MCFD2: variants seen among roughly 807,000 people sequenced by gnomAD.
MCFD2 encodes multiple coagulation factor deficiency protein 2.
Under a neutral mutation model 12.8 loss-of-function variants are expected in MCFD2, and 11 were observed. That is an observed-to-expected ratio of 0.86 (90% CI 0.54 to 1.42). MCFD2 has a LOEUF of 1.42. Ranked by LOEUF, MCFD2 falls within the 40% of genes most tolerant of loss-of-function variation. MCFD2 has a pLI of 0.00. For missense variants in MCFD2, 191 were observed against 178.6 expected (o/e 1.07, Z -0.40); for synonymous variants, 70 against 68.1 (o/e 1.03, Z -0.14).
rs998042740 is a variant in MCFD2, at chr2:46,941,238, AGCG to A, written c.-8+331_-8+333del. ...GGGCGGAGGCTGTGGCAGCAGCTGCAGCGGCGGCGGCGGCGGCAGCGCCAGGAG... is the reference window on the plus strand; with the variant it reads ...GGGCGGAGGCTGTGGCAGCAGCTGCAGCGGCGGCGGCGGCAGCGCCAGGAG... On this transcript the variant is annotated intron_variant, in intron 1 of 2. Transcript: ENST00000409147. This position sits in a 1 kb window ranked among gnomAD's most constrained non-coding sequence, Gnocchi z 4.2. 1.8e-4 allele frequency: 27 copies of A among 147,576 alleles called. No homozygotes were observed. The highest frequency in any genetic ancestry group is 4.0e-4 in the East Asian group (2 of 4,980). 9.1% of individuals were successfully genotyped at this position (147,576 alleles called of 1,614,324 possible).
Position 46,915,718 on chromosome 2 carries a change from C to G in MCFD2, c.-7+5G>C, listed in dbSNP as rs1231229296. The G allele has an allele frequency of 1.0e-6, 1 of 970,140 alleles. No individual in the cohort carries two copies. The highest frequency in any genetic ancestry group is 1.2e-6 in the Non-Finnish European group (1 of 816,220). The allele number at this position is 970,140 out of a possible 1,614,324, so 60.1% of individuals were successfully genotyped here. A position where few individuals can be genotyped will look rare whatever the true frequency, so the allele number is the denominator to read the frequency against. ...CCGCTGCGGAGAGTGCGCTAGTTCA[C>G]TCACCCTTACGGTCTCCGAAGCAGA... On this transcript the variant is annotated splice_donor_5th_base_variant and intron_variant, in intron 1 of 3. Coordinates refer to ENST00000319466, the MANE Select transcript of MCFD2 (RefSeq NM_139279.6).
In MCFD2 at chr2:46,941,643, G is replaced by C. The variant is rs1409686440; in HGVS notation, c.-79C>G. On this transcript the variant is annotated 5_prime_UTR_variant, in exon 1 of 3. Transcript: ENST00000409147. This position sits in a 1 kb window ranked among gnomAD's most constrained non-coding sequence, Gnocchi z 4.2. ...GGGACCGCATGCCGGAGCTGGTCCG[G>C]CAGCTGCAGACGCTGAGCATGCCCG... 1.7e-5 allele frequency: 26 copies of C among 1,553,094 alleles called. No individual in the cohort carries two copies. The highest frequency in any genetic ancestry group is 2.7e-5 in the African/African-American group (2 of 73,290).
At chr2:46,925,912 A>C (rs1669359555) in intron 1 of MCFD2, among the ~76,000 whole-genome samples, 1 of 152,232 alleles carries the variant, frequency 6.6e-6, no homozygotes, top group Non-Finnish European at 1.5e-5. Context: ...TCTTAGATAC[A>C]CTACAACAGT....
rs2103890397 is a variant in MCFD2 at position 46,941,790 on chromosome 2, A to G, written c.-226T>C. 4 of 1,540,314 alleles carry G rather than the reference A, an allele frequency of 2.6e-6. No homozygotes were observed. The highest frequency in any genetic ancestry group is 3.5e-6 in the Non-Finnish European group (4 of 1,140,742). On this transcript the variant is annotated 5_prime_UTR_variant, in exon 1 of 3. Coordinates refer to the MCFD2 transcript ENST00000409147. This position sits in a 1 kb window ranked among gnomAD's most constrained non-coding sequence, Gnocchi z 4.2. ...GCGAAACGCACCGCCTCCTCCAGGA[A>G]GCGCGCCCAGACAGTCCTCGGCCGA...
chr2:46,941,593 G>A lies in MCFD2; in HGVS notation c.-29C>T, dbSNP rs1177931649. The A allele has an allele frequency of 6.4e-7, 1 of 1,557,294 alleles. No individual in the cohort carries two copies. Among genetic ancestry groups the A allele is most frequent in the Non-Finnish European group, 8.7e-7 (1 of 1,151,128 alleles). On this transcript the variant is annotated 5_prime_UTR_variant, in exon 1 of 3. Coordinates refer to the MCFD2 transcript ENST00000409147. The surrounding 1 kb of genome is among the most constrained non-coding windows in gnomAD (Gnocchi z 4.2). ...CTACCTGAAGGTGGAGAGCGAGCTG[G>A]AGCGCTGCCGCGCCGAGGGCCACTG... is the stretch of plus-strand genomic sequence containing the variant.
intron 1 of MCFD2, among the ~76,000 whole-genome samples, chr2:46,928,473 A>C (rs1365892775): frequency 2.0e-5 from 3 of 151,186 alleles, no homozygotes; most frequent in Admixed American, 6.6e-5. Flanking sequence ...AAAAAAAAAA[A>C]AAAAAAAAAA....
At chr2:46,917,214 C>A (rs753536073), upstream of MCFD2, 4 of 700,692 alleles carry the variant, frequency 5.7e-6, no homozygotes, top group East Asian at 8.1e-5. Flanking sequence ...CAGCTCGTCT[C>A]GAACTCCTGG....
chr2:46,923,961 C>A (rs1048164049), intron 1 of MCFD2, among the ~76,000 whole-genome samples: 1 of 152,104 alleles, frequency 6.6e-6, no homozygotes, highest in African/African-American at 2.4e-5. Flanking sequence ...GTCTCGAACT[C>A]CTGACCTCAG....
rs1237092741 is a variant in MCFD2 at position 46,941,780 on chromosome 2, T to G, written c.-216A>C. On this transcript the variant is annotated 5_prime_UTR_variant, in exon 1 of 3. Transcript: ENST00000409147. This position sits in a 1 kb window ranked among gnomAD's most constrained non-coding sequence, Gnocchi z 4.2. ...CAGCGAGCGCGCGAAACGCACCGCC[T>G]CCTCCAGGAAGCGCGCCCAGACAGT... The G allele has an allele frequency of 1.9e-6, 3 of 1,544,134 alleles. No homozygotes were observed. Among genetic ancestry groups the G allele is most frequent in the Admixed American group, 2.0e-5 (1 of 50,848 alleles).
chr2:46,916,118 G>A, upstream of MCFD2: 1 of 985,592 alleles, frequency 1.0e-6, no homozygotes. Context: ...GATCCGGATG[G>A]GGCGGACCCC....
intron 1 of MCFD2, among the ~76,000 whole-genome samples, chr2:46,926,032 G>C (rs1160564574): frequency 6.6e-6 from 1 of 152,186 alleles, no homozygotes; most frequent in African/African-American, 2.4e-5. Context: ...CATTCTCAGA[G>C]ACTTACTCAC....
chr2:46,935,769 G>T (rs372225221), intron 1 of MCFD2, among the ~76,000 whole-genome samples: 1 of 152,106 alleles, frequency 6.6e-6, no homozygotes, highest in African/African-American at 2.4e-5. Flanking sequence ...TGCAAGTCTT[G>T]TATTGGACCC....
Position 46,907,781 on chromosome 2 carries a change from A to G in MCFD2, c.309+29T>C. On this transcript the variant is annotated intron_variant, in intron 3 of 3. Transcript: ENST00000319466. This position sits in a 1 kb window ranked among gnomAD's most constrained non-coding sequence, Gnocchi z 4.1. ...TAACAAAGGGAAGCCTTTCTGTGAT[A>G]CAGTCCCCCAAGCCACTGCCAGACC... 1 of 1,611,872 alleles carries G rather than the reference A, an allele frequency of 6.2e-7. No homozygotes were observed.
chr2:46,915,039 A>C (rs1668654119), intron 1 of MCFD2, among the ~76,000 whole-genome samples: 1 of 152,216 alleles, frequency 6.6e-6, no homozygotes, highest in African/African-American at 2.4e-5. Flanking sequence ...TTTCTGTTTT[A>C]AGACCATGGC....
chr2:46,908,376 T>G lies in MCFD2; in HGVS notation c.150-407A>C. ...CCCAAGCTCAGTTGATTCTCCCACTTCAGCCCCCCAAGTAGCTGGGACCAT... is the reference window on the plus strand; with the variant it reads ...CCCAAGCTCAGTTGATTCTCCCACTGCAGCCCCCCAAGTAGCTGGGACCAT... On this transcript the variant is annotated intron_variant, in intron 2 of 3. Transcript: ENST00000319466. The surrounding 1 kb of genome is among the most constrained non-coding windows in gnomAD (Gnocchi z 4.5). The G allele has an allele frequency of 3.3e-6, 1 of 307,232 alleles. No individual in the cohort carries two copies. Among genetic ancestry groups the G allele is most frequent in the Non-Finnish European group, 6.3e-6 (1 of 159,910 alleles). 19.0% of individuals were successfully genotyped at this position (307,232 alleles called of 1,614,324 possible).
At chr2:46,938,931 A>G (rs1670112366) in intron 1 of MCFD2, among the ~76,000 whole-genome samples, 1 of 151,782 alleles carries the variant, frequency 6.6e-6, no homozygotes, top group Non-Finnish European at 1.5e-5. Flanking sequence ...GAATTGCTTG[A>G]ACCTGGGAGG....
rs897483287 is a variant in MCFD2, at chr2:46,902,549, T to A, written c.*2914A>T. 2 of 152,650 alleles carry A rather than the reference T, an allele frequency of 1.3e-5. No homozygotes were observed. Among genetic ancestry groups the A allele is most frequent in the Non-Finnish European group, 1.5e-5 (1 of 68,040 alleles). The allele number at this position is 152,650 out of a possible 1,614,324, so 9.5% of individuals were successfully genotyped here. ...AAGAAGACAGAAAAGCAATAAAGTA[T>A]AAGGATGTGGCAGTAGTTGTATAAA... On this transcript the variant is annotated 3_prime_UTR_variant, in exon 4 of 4. Transcript: ENST00000319466.
upstream of MCFD2, chr2:46,917,420 C>G (rs1668868746): frequency 1.8e-6 from 1 of 564,810 alleles, no homozygotes; most frequent in Non-Finnish European, 3.1e-6. Context: ...ATTCATCCAT[C>G]TCTTCATCCA....
chr2:46,921,260 A>G (rs963252155), intron 1 of MCFD2, among the ~76,000 whole-genome samples: 5 of 152,258 alleles, frequency 3.3e-5, no homozygotes, highest in Admixed American at 2.6e-4. Flanking sequence ...GATCATGCAC[A>G]TAGAAAATCC....
Sources: allele counts gnomAD v4.1 joint callset (sites outside exome capture counted in the v4.1 genomes callset), GRCh38; gene constraint gnomAD v4.1.1; non-coding constraint Gnocchi (gnomAD v3.1); transcripts MANE v1.5; gene names NCBI Gene and HGNC (gene_info 2026-07-23, HGNC 2026-07-21).